MDGA2: variants seen among roughly 807,000 people sequenced by gnomAD.
MDGA2 encodes the protein MAM domain-containing glycosylphosphatidylinositol anchor protein 2.
A neutral mutation model predicts 117.8 loss-of-function variants in MDGA2; 40 were observed. That is an observed-to-expected ratio of 0.34 (90% confidence interval 0.26 to 0.44). MDGA2 has a LOEUF of 0.44. MDGA2 is among the 20% of genes least tolerant of loss of function. MDGA2 has a pLI of 1.00. For synonymous variants in MDGA2, 452 were observed against 439.0 expected (o/e 1.03, Z -0.37); for missense variants, 1,123 against 1,250.6 (o/e 0.90, Z 1.54).
chr14:47,533,594 A>G lies in MDGA2; in HGVS notation c.280+140923T>C, dbSNP rs562865122. On this transcript the variant is annotated intron_variant, in intron 1 of 16. Coordinates refer to ENST00000399232, the MANE Select transcript of MDGA2 (RefSeq NM_001113498.3). ...TGGAGAAGGCTCAAAACACCACCACATATTAGAATATAATTTGAAATCAGC... is the reference window on the plus strand; with the variant it reads ...TGGAGAAGGCTCAAAACACCACCACGTATTAGAATATAATTTGAAATCAGC... 4.6e-5 allele frequency among the ~76,000 whole-genome samples: 7 copies of G among 152,324 alleles called. No homozygotes were observed. The East Asian group carries it at 1.4e-3, about 29-fold the overall frequency.
chr14:47,655,191 T>G (rs1897720840), intron 1 of MDGA2, among the ~76,000 whole-genome samples: 1 of 152,168 alleles, frequency 6.6e-6, no homozygotes, highest in Non-Finnish European at 1.5e-5. Context: ...TTGCAAGTGC[T>G]TGGCCAGTTG....
At chr14:47,234,276 T>C (rs1162258183) in intron 2 of MDGA2, among the ~76,000 whole-genome samples, 1 of 151,100 alleles carries the variant, frequency 6.6e-6, no homozygotes, top group African/African-American at 2.4e-5. Flanking sequence ...TATGTAGATA[T>C]ATGTGAAACC....
chr14:46,918,570 T>G (rs1426856951), intron 10 of MDGA2, among the ~76,000 whole-genome samples: 1 of 152,116 alleles, frequency 6.6e-6, no homozygotes, highest in Non-Finnish European at 1.5e-5. Context: ...CCTACAGTCC[T>G]TTTTCAATGA....
rs758633187 is a variant in MDGA2, at chr14:47,131,769, C to A, written c.870G>T (p.Arg290Ser). 1 of 1,588,426 alleles carries A rather than the reference C, an allele frequency of 6.3e-7. No individual in the cohort carries two copies. The highest frequency in any genetic ancestry group is 8.6e-7 in the Non-Finnish European group (1 of 1,161,668). ...TCTTATCAGGAATATTACATACATT[C>A]CTCACTGAAGCAATGCAGCTATAAT... is the stretch of plus-strand genomic sequence containing the variant. ...YANYSCIASV[R>S]NVCNIPDKMV... The change falls in exon 5 of 17, where the codon AGG (arginine) becomes AGT (serine). Residue 290 changes from arginine (R) to serine (S), a missense_variant. Transcript: ENST00000399232.
intron 9 of MDGA2, among the ~76,000 whole-genome samples, chr14:46,943,437 T>A (rs1182938348): frequency 6.6e-6 from 1 of 152,068 alleles, no homozygotes; most frequent in Non-Finnish European, 1.5e-5. Flanking sequence ...ACCATCTTGC[T>A]CTTTGTTTTG....
chr14:47,560,564 C>T (rs1379904302), intron 1 of MDGA2, among the ~76,000 whole-genome samples: 1 of 151,990 alleles, frequency 6.6e-6, no homozygotes, highest in Non-Finnish European at 1.5e-5. Context: ...TTGTTTTTTG[C>T]TTGTAAATTT....
intron 1 of MDGA2, among the ~76,000 whole-genome samples, chr14:47,492,751 T>A (rs779766467): frequency 6.6e-6 from 1 of 152,088 alleles, no homozygotes; most frequent in African/African-American, 2.4e-5. Context: ...ATCAGGAACA[T>A]ACAAGAAATT....
At chr14:47,228,921 AG>A (rs1396057070) in intron 2 of MDGA2, among the ~76,000 whole-genome samples, 1 of 152,132 alleles carries the variant, frequency 6.6e-6, no homozygotes, top group Non-Finnish European at 1.5e-5. Flanking sequence ...CTGGCCACTT[AG>A]GCACCCTCTG....
intron 12 of MDGA2, among the ~76,000 whole-genome samples, chr14:46,874,830 C>T (rs879909997): frequency 1.3e-5 from 2 of 151,398 alleles, no homozygotes; most frequent in Admixed American, 1.3e-4. Flanking sequence ...TGTGATTTCT[C>T]GGATGCCTAA....
At chr14:46,853,933 T>G (rs1214530314) in intron 15 of MDGA2, among the ~76,000 whole-genome samples, 1 of 151,854 alleles carries the variant, frequency 6.6e-6, no homozygotes, top group African/African-American at 2.4e-5. Flanking sequence ...TGTATTGATC[T>G]TCATAGAAAC....
At chr14:46,928,390 G>A (rs1295999246) in intron 9 of MDGA2, among the ~76,000 whole-genome samples, 1 of 152,116 alleles carries the variant, frequency 6.6e-6, no homozygotes, top group African/African-American at 2.4e-5. Flanking sequence ...ATAAAAGGAA[G>A]TCTTGCCCAG....
Position 47,061,311 on chromosome 14 carries a change from G to T in MDGA2, c.1463C>A (p.Ala488Glu). Reference protein sequence around the residue: ...FTDFGTYTCVASLKGGGISDI... With the variant: ...FTDFGTYTCVESLKGGGISDI... ...AGATATTCCTCCTCCCTTCAGAGAT[G>T]CTACACATGTGTACGTCCCAAAATC... Residue 488 changes from alanine (A) to glutamate (E), a missense_variant, in exon 7 of 17, where the codon GCA becomes GAA. This residue lies in a region of MDGA2 where 890 missense variants were observed against 1,050.3 expected (regional missense o/e 0.85). Coordinates refer to ENST00000399232, the MANE Select transcript of MDGA2 (RefSeq NM_001113498.3). 6.2e-7 allele frequency: 1 copy of T among 1,613,444 alleles called. No homozygotes were observed. Among genetic ancestry groups the T allele is most frequent in the Non-Finnish European group, 8.5e-7 (1 of 1,179,610 alleles).
intron 1 of MDGA2, among the ~76,000 whole-genome samples, chr14:47,415,808 C>T (rs755007695): frequency 5.9e-5 from 9 of 152,052 alleles, no homozygotes; most frequent in Non-Finnish European, 1.0e-4. Context: ...TGCAGACTGC[C>T]GTCTTCCTGC....
rs1416494814 is a variant in MDGA2, at chr14:47,087,189, C to A, written c.1195+9665G>T. ...TGTGACCTCCTGCATTTGTAATGGG[C>A]ATGGATCACGGAGCATTTTGCTCTT... On this transcript the variant is annotated intron_variant, in intron 6 of 16. Transcript: ENST00000399232. Among the ~76,000 whole-genome samples, 3 of 152,078 alleles carry A rather than the reference C, an allele frequency of 2.0e-5. No homozygotes were observed. The South Asian group carries it at 6.2e-4, about 32-fold the overall frequency.
chr14:47,138,727 G>T (rs188693860), intron 4 of MDGA2, among the ~76,000 whole-genome samples: 1 of 151,986 alleles, frequency 6.6e-6, no homozygotes, highest in Non-Finnish European at 1.5e-5. Flanking sequence ...TTAGATATCA[G>T]TAAAAACTAA....
chr14:47,569,957 T>C (rs889944278), intron 1 of MDGA2, among the ~76,000 whole-genome samples: 2 of 152,298 alleles, frequency 1.3e-5, no homozygotes, highest in South Asian at 2.1e-4. Flanking sequence ...TAATGAAGTA[T>C]TGAATAAAAT....
chr14:47,560,497 T>C (rs192932444), intron 1 of MDGA2, among the ~76,000 whole-genome samples: 125 of 152,376 alleles, frequency 8.2e-4, no homozygotes, highest in Admixed American at 2.2e-3. Context: ...GTCATGTTTA[T>C]GTCTTCTTTT....
chr14:47,600,742 G>A (rs1049023699), intron 1 of MDGA2, among the ~76,000 whole-genome samples: 1 of 141,740 alleles, frequency 7.1e-6, no homozygotes, highest in African/African-American at 3.1e-5. Context: ...AAAAAGTAGG[G>A]AAGAGTGCAC....
intron 3 of MDGA2, among the ~76,000 whole-genome samples, chr14:47,157,172 T>C (rs1883422092): frequency 1.3e-5 from 2 of 152,164 alleles, no homozygotes; most frequent in African/African-American, 4.8e-5. Flanking sequence ...TTTCATATCT[T>C]TCCTACATAG....
Sources: allele counts gnomAD v4.1 joint callset (sites outside exome capture counted in the v4.1 genomes callset), GRCh38; gene constraint gnomAD v4.1.1; regional missense constraint gnomAD v4.1.1; transcripts MANE v1.5; gene names NCBI Gene and HGNC (gene_info 2026-07-23, HGNC 2026-07-21).